Variants in HTR1F observed in about 807,000 individuals in gnomAD.
The protein encoded by HTR1F is 5-hydroxytryptamine (serotonin) receptor 1F, G protein-coupled.
A neutral mutation model predicts 24.0 loss-of-function variants in HTR1F; 17 were observed. That is an observed-to-expected ratio of 0.71 (90% CI 0.48 to 1.06). The LOEUF is 1.06. Ranked by LOEUF, HTR1F falls within the 50% of genes least tolerant of loss-of-function variation. The pLI, the probability that HTR1F is intolerant of heterozygous loss-of-function variation, is 0.00. For synonymous variants in HTR1F, 186 were observed against 156.8 expected (o/e 1.19, Z -1.39); for missense variants, 391 against 427.8 (o/e 0.91, Z 0.76).
chr3:87,920,626 AG>A (rs1165732503), intron 2 of HTR1F, among the ~76,000 whole-genome samples: 1 of 152,038 alleles, frequency 6.6e-6, no homozygotes, highest in Non-Finnish European at 1.5e-5. Context: ...TTTTAAAAAA[AG>A]AAAACCAAAT....
intron 2 of HTR1F, among the ~76,000 whole-genome samples, chr3:87,913,124 A>C (rs1335027439): frequency 2.0e-5 from 3 of 152,174 alleles, no homozygotes; most frequent in Non-Finnish European, 2.9e-5. Context: ...TGCACAACAA[A>C]AGAAACTATC....
At chr3:87,837,841 C>A (rs1704715001) in intron 2 of HTR1F, among the ~76,000 whole-genome samples, 1 of 151,896 alleles carries the variant, frequency 6.6e-6, no homozygotes, top group South Asian at 2.1e-4. Context: ...TGACTTTAGA[C>A]AATAAAATAT....
intron 2 of HTR1F, among the ~76,000 whole-genome samples, chr3:87,929,194 G>A (rs1704199692): frequency 6.6e-6 from 1 of 152,134 alleles, no homozygotes; most frequent in African/African-American, 2.4e-5. Flanking sequence ...GAGTGTAAAA[G>A]TAACCAACAG....
At chr3:87,868,842 C>T (rs1705482083) in intron 2 of HTR1F, among the ~76,000 whole-genome samples, 2 of 151,970 alleles carry the variant, frequency 1.3e-5, no homozygotes, top group African/African-American at 4.8e-5. Context: ...TGTACATTTA[C>T]TTACAACAAA....
chr3:87,956,347 G>C (rs1379123613), intron 2 of HTR1F, among the ~76,000 whole-genome samples: 1 of 151,346 alleles, frequency 6.6e-6, no homozygotes, highest in Non-Finnish European at 1.5e-5. Flanking sequence ...GAGTCTATTT[G>C]AGGACTCTTT....
chr3:87,963,459 T>A (rs1005376431), intron 2 of HTR1F, among the ~76,000 whole-genome samples: 2 of 152,124 alleles, frequency 1.3e-5, no homozygotes, highest in African/African-American at 4.8e-5. Context: ...AGACTTACTT[T>A]CACTAAATCT....
intron 2 of HTR1F, among the ~76,000 whole-genome samples, chr3:87,885,970 A>C (rs1314971633): frequency 3.3e-5 from 5 of 152,084 alleles, no homozygotes; most frequent in Admixed American, 2.6e-4. Flanking sequence ...AAAAGAGGGA[A>C]TCCTCCCTAA....
chr3:87,861,926 T>C (rs1429796395), intron 2 of HTR1F, among the ~76,000 whole-genome samples: 1 of 152,194 alleles, frequency 6.6e-6, no homozygotes, highest in East Asian at 1.9e-4. Flanking sequence ...TATAGCCATG[T>C]AGGTCCATTT....
intron 2 of HTR1F, among the ~76,000 whole-genome samples, chr3:87,918,632 A>G (rs1486448230): frequency 6.6e-6 from 1 of 152,098 alleles, no homozygotes; most frequent in Non-Finnish European, 1.5e-5. Context: ...AATAGCTGCA[A>G]AAAACATAAA....
intron 2 of HTR1F, among the ~76,000 whole-genome samples, chr3:87,982,119 C>G (rs1412709108): frequency 1.3e-5 from 2 of 152,238 alleles, no homozygotes; most frequent in Non-Finnish European, 2.9e-5. Context: ...GATGGGGTTT[C>G]ACCTTTTTGA....
At chr3:87,830,905 A>G (rs549795289) in intron 2 of HTR1F, among the ~76,000 whole-genome samples, 24 of 152,330 alleles carry the variant, frequency 1.6e-4, no homozygotes, top group African/African-American at 4.8e-4. Flanking sequence ...AGCAATGTTT[A>G]TGGCACATGT....
chr3:87,988,378 T>C (rs1292436366), intron 2 of HTR1F, among the ~76,000 whole-genome samples: 70 of 152,184 alleles, frequency 4.6e-4, no homozygotes, highest in Non-Finnish European at 1.5e-5. Context: ...TTTCAGGTAT[T>C]CAAATACCAG....
intron 1 of HTR1F, among the ~76,000 whole-genome samples, chr3:87,805,510 T>C (rs1466235729): frequency 1.3e-5 from 2 of 152,136 alleles, no homozygotes; most frequent in South Asian, 2.1e-4. Context: ...AAAATTGATG[T>C]ATAATATTTT....
At chr3:87,976,827 C>T (rs538444235) in intron 2 of HTR1F, among the ~76,000 whole-genome samples, 1 of 152,144 alleles carries the variant, frequency 6.6e-6, no homozygotes, top group South Asian at 2.1e-4. Context: ...ACAGAATATC[C>T]AGATTCTTTG....
chr3:87,885,484 A>T lies in HTR1F; in HGVS notation c.-43+63360A>T, dbSNP rs575555667. ...AAAAGCGAGCAGAAGGCAAGAAATA[A>T]CTAAGATCAGAGCAGAACTGAAGGA... On this transcript the variant is annotated intron_variant, in intron 2 of 2. Transcript: ENST00000319595. Among the ~76,000 whole-genome samples the T allele has an allele frequency of 5.3e-5, 8 of 152,322 alleles. No homozygotes were observed. The South Asian group carries it at 1.7e-3, about 32-fold the overall frequency.
chr3:87,963,570 G>A (rs147633711), intron 2 of HTR1F, among the ~76,000 whole-genome samples: 2,432 of 152,138 alleles, frequency 0.016, 67 homozygotes, highest in African/African-American at 0.055. Context: ...CTCCTCCAAC[G>A]TGGCAACCTC....
chr3:87,881,926 C>T (rs1472823958), intron 2 of HTR1F, among the ~76,000 whole-genome samples: 5 of 152,100 alleles, frequency 3.3e-5, no homozygotes, highest in East Asian at 1.9e-4. Flanking sequence ...ACAGGCAACC[C>T]ACAAAATGGG....
chr3:87,910,087 C>G (rs1180537947), intron 2 of HTR1F: 1 of 151,926 alleles, frequency 6.6e-6, no homozygotes, highest in Non-Finnish European at 1.5e-5. Flanking sequence ...AATATCTAAT[C>G]TTATCCCTTC....
chr3:87,814,421 C>T (rs1704213732), intron 1 of HTR1F, among the ~76,000 whole-genome samples: 1 of 152,010 alleles, frequency 6.6e-6, no homozygotes, highest in South Asian at 2.1e-4. Flanking sequence ...TAGCAATTTT[C>T]AAGTATAGAA....
Sources: gnomAD v4.1 joint callset for allele counts (sites outside exome capture counted in the v4.1 genomes callset) on GRCh38, gnomAD v4.1.1 for gene constraint, MANE v1.5 for transcripts, NCBI Gene and HGNC (gene_info 2026-07-23, HGNC 2026-07-21) for gene names.